Variants in USP15 observed in about 807,000 individuals in gnomAD.
USP15 encodes the protein ubiquitin specific peptidase 15, also known as ubiquitin carboxyl-terminal hydrolase 15.
In USP15, 18 loss-of-function variants were observed where a neutral mutation model predicts 127.1. The observed-to-expected ratio is 0.14, with a 90% CI of 0.10 to 0.21. USP15 has a LOEUF of 0.21. Among genes scored for constraint, USP15 ranks in the 10% least tolerant of loss-of-function variants. USP15 has a pLI of 1.00. For synonymous variants in USP15, 364 were observed against 393.7 expected (o/e 0.92, Z 0.89); for missense variants, 805 against 1,159.9 (o/e 0.69, Z 4.44).
intron 5 of USP15, among the ~76,000 whole-genome samples, chr12:62,325,220 C>G (rs939496590): frequency 6.6e-6 from 1 of 151,936 alleles, no homozygotes; most frequent in Admixed American, 6.6e-5. Context: ...TAAGCCTATA[C>G]TTTTTATTTA....
intron 2 of USP15, among the ~76,000 whole-genome samples, chr12:62,301,153 G>C (rs998577600): frequency 1.3e-5 from 2 of 152,050 alleles, no homozygotes; most frequent in East Asian, 3.9e-4. Context: ...GAGAAATGAA[G>C]ATTAAAACCA....
rs918328629 is a variant in USP15, at chr12:62,336,546, A to G, written c.683+10613A>G. The G allele has an allele frequency of 4.4e-6, 4 of 904,124 alleles. No individual in the cohort carries two copies. The African/African-American group carries it at 7.2e-5, about 16-fold the overall frequency. 56.0% of individuals were successfully genotyped at this position (904,124 alleles called of 1,614,324 possible). A position where few individuals can be genotyped will look rare whatever the true frequency, so the allele number is the denominator to read the frequency against. On this transcript the variant is annotated intron_variant, in intron 6 of 21. Coordinates refer to ENST00000280377, the MANE Select transcript of USP15 (RefSeq NM_001252078.2). Reference sequence around the variant, plus strand: ...CCAAAGAACTTCTGTTATATGGGTTATAGCTGTTAATATTTGTCATATTCG... The same window carrying G: ...CCAAAGAACTTCTGTTATATGGGTTGTAGCTGTTAATATTTGTCATATTCG...
Position 62,272,278 on chromosome 12 carries a change from A to C in USP15, c.89+11775A>C, listed in dbSNP as rs2063360703. The stretch of plus-strand genomic sequence containing the variant: ...ATTTTTCTGAGATTAAGTGTGCTAC[A>C]TTGGATTAGGCTGAGATTTTTGTGT... On this transcript the variant is annotated intron_variant, in intron 1 of 21. Coordinates refer to ENST00000280377, the MANE Select transcript of USP15 (RefSeq NM_001252078.2). Among the ~76,000 whole-genome samples the C allele has an allele frequency of 2.0e-5, 3 of 151,978 alleles. No homozygotes were observed. In the South Asian group the frequency reaches 6.2e-4, roughly 31 times the overall value.
chr12:62,263,448 A>G (rs1325996116), intron 1 of USP15, among the ~76,000 whole-genome samples: 1 of 152,194 alleles, frequency 6.6e-6, no homozygotes, highest in Non-Finnish European at 1.5e-5. Flanking sequence ...ACTAACTTCC[A>G]TACCTAGGCA....
At chr12:62,385,750 T>C (rs540654532) in intron 11 of USP15, among the ~76,000 whole-genome samples, 2 of 152,168 alleles carry the variant, frequency 1.3e-5, no homozygotes, top group African/African-American at 4.8e-5. Context: ...TTCTTTTCAA[T>C]GGTGAGAAAC....
At chr12:62,349,141 G>A in intron 6 of USP15, 80 bp from the exon 7 acceptor site, 1 of 832,366 alleles carries the variant, frequency 1.2e-6, no homozygotes, top group Non-Finnish European at 1.7e-6. Context: ...TACAAACATT[G>A]TCATCTGTTC....
At chr12:62,370,432 A>C (rs2137521943) in intron 8 of USP15, among the ~76,000 whole-genome samples, 1 of 152,266 alleles carries the variant, frequency 6.6e-6, no homozygotes, top group African/African-American at 2.4e-5. Context: ...TTAGCATGGT[A>C]GGTCAAAGCA....
In USP15 at chr12:62,389,696, A is replaced by G; in HGVS notation, c.1649A>G (p.Tyr550Cys). 1 of 1,611,260 alleles carries G rather than the reference A, an allele frequency of 6.2e-7. No homozygotes were observed. Among genetic ancestry groups the G allele is most frequent in the Non-Finnish European group, 8.5e-7 (1 of 1,178,770 alleles). Residue 550 changes from tyrosine (Y) to cysteine (C), a missense_variant, in exon 13 of 22, where the codon TAT becomes TGT. Around this residue, in one of 11 missense-constraint regions of USP15, gnomAD observed 82 missense variants for 104.4 expected, o/e 0.79. Coordinates refer to ENST00000280377, the MANE Select transcript of USP15 (RefSeq NM_001252078.2). ...AGTATTATGGAACGGGATGATATTT[A>G]TGTGTAAGTATAAAACTCATTGTGC... is the stretch of plus-strand genomic sequence containing the variant. ...LSSIMERDDI[Y>C]VFEININRTE...
chr12:62,321,346 A>C (rs1464844425), intron 4 of USP15, 118 bp from the exon 5 acceptor site: 3 of 597,782 alleles, frequency 5.0e-6, no homozygotes, highest in Non-Finnish European at 7.8e-6. Context: ...TTTATTACAT[A>C]TTTAGTCTTG....
intron 2 of USP15, among the ~76,000 whole-genome samples, chr12:62,294,927 A>G (rs1295924205): frequency 1.3e-5 from 2 of 152,186 alleles, no homozygotes; most frequent in Non-Finnish European, 2.9e-5. Context: ...GAGAGATGCG[A>G]AACAAAATAG....
chr12:62,308,798 G>A (rs570970565), intron 3 of USP15, among the ~76,000 whole-genome samples: 20 of 152,174 alleles, frequency 1.3e-4, no homozygotes, highest in African/African-American at 4.8e-4. Flanking sequence ...TGTATTTTCT[G>A]TCATTAGTGG....
Position 62,299,671 on chromosome 12 carries a change from G to T in USP15, c.218-3119G>T, listed in dbSNP as rs776057939. ...AGATAATGTGTTTTCCTTTCTAATGGGTAGATACCTAGACATGAAATTGTT... is the reference window on the plus strand; with the variant it reads ...AGATAATGTGTTTTCCTTTCTAATGTGTAGATACCTAGACATGAAATTGTT... On this transcript the variant is annotated intron_variant, in intron 2 of 21. Transcript: ENST00000280377. Among the ~76,000 whole-genome samples the T allele has an allele frequency of 2.6e-5, 4 of 152,096 alleles. 1 individual carries two copies. Among genetic ancestry groups the T allele is most frequent in the Admixed American group, 2.0e-4 (3 of 15,268 alleles).
At chr12:62,398,548 A>G (rs1393677446) in intron 20 of USP15, among the ~76,000 whole-genome samples, 6 of 152,162 alleles carry the variant, frequency 3.9e-5, no homozygotes, top group African/African-American at 1.4e-4. Context: ...ATGATTTCCT[A>G]ATTAGCACAA....
At chr12:62,296,349 A>G (rs2064126934) in intron 2 of USP15, among the ~76,000 whole-genome samples, 1 of 152,220 alleles carries the variant, frequency 6.6e-6, no homozygotes, top group African/African-American at 2.4e-5. Context: ...TAAATCGGTG[A>G]TGTTTAAGCC....
At chr12:62,345,228 C>T (rs559459490) in intron 6 of USP15, among the ~76,000 whole-genome samples, 1 of 152,292 alleles carries the variant, frequency 6.6e-6, no homozygotes, top group East Asian at 1.9e-4. Flanking sequence ...GCTTAGATTT[C>T]TTCTGCCAAA....
chr12:62,273,190 C>G (rs1184806775), intron 1 of USP15, among the ~76,000 whole-genome samples: 2 of 152,020 alleles, frequency 1.3e-5, no homozygotes, highest in African/African-American at 4.8e-5. Flanking sequence ...CTTTTTCTTA[C>G]CACTTTTCTT....
chr12:62,342,447 C>G (rs147008570), intron 6 of USP15, among the ~76,000 whole-genome samples: 3,372 of 152,076 alleles, frequency 0.022, 128 homozygotes, highest in African/African-American at 0.076. Flanking sequence ...GTTTTGTGCC[C>G]TTGCTGGAGA....
In USP15 at chr12:62,414,344, G is replaced by T. The variant is rs1043511220; in HGVS notation, c.*9969G>T. The T allele has an allele frequency of 2.4e-5, 2 of 84,664 alleles. No homozygotes were observed. Among genetic ancestry groups the T allele is most frequent in the Admixed American group, 1.4e-4 (1 of 7,292 alleles). 5.2% of individuals were successfully genotyped at this position (84,664 alleles called of 1,614,324 possible). ...ATAAAACAAGGTATGCCTGGTTTTT[G>T]TTTTGTTTTGTTTTGAGACAAGGTC... On this transcript the variant is annotated 3_prime_UTR_variant, in exon 22 of 22. Coordinates refer to ENST00000280377, the MANE Select transcript of USP15 (RefSeq NM_001252078.2).
chr12:62,329,426 A>G (rs912526234), intron 6 of USP15, among the ~76,000 whole-genome samples: 6 of 152,194 alleles, frequency 3.9e-5, no homozygotes, highest in African/African-American at 1.4e-4. Flanking sequence ...TAACTACATC[A>G]TAGGGATCAT....
Sources: allele counts gnomAD v4.1 joint callset (sites outside exome capture counted in the v4.1 genomes callset), GRCh38; gene constraint gnomAD v4.1.1; regional missense constraint gnomAD v4.1.1; transcripts MANE v1.5; gene names NCBI Gene and HGNC (gene_info 2026-07-23, HGNC 2026-07-21).